The following ACOT9 variants were observed in gnomAD, a reference collection of about 807,000 sequenced individuals.
ACOT9 encodes acyl-coenzyme A thioesterase 9, mitochondrial.
A neutral mutation model predicts 39.7 loss-of-function variants in ACOT9; 34 were observed. That is an observed-to-expected ratio of 0.86 (90% confidence interval 0.65 to 1.14). The LOEUF (loss-of-function observed/expected upper bound fraction) is 1.14, where lower values mean the gene tolerates loss of function less well. Among genes scored for constraint, ACOT9 ranks in the 50% most tolerant of loss-of-function variants. ACOT9 has a pLI of 0.00. For synonymous variants in ACOT9, 110 were observed against 120.5 expected (o/e 0.91, Z 0.57); for missense variants, 313 against 344.1 (o/e 0.91, Z 0.71).
intron 1 of ACOT9, among the ~76,000 whole-genome samples, chrX:23,739,240 CAA>C (rs1232962335): frequency 9.5e-6 from 1 of 105,107 alleles, no homozygotes; most frequent in African/African-American, 3.5e-5. Context: ...GACTCTGTCT[CAA>C]AAAAAAAAGA....
At chrX:23,729,220 T>C (rs1468406588) in intron 6 of ACOT9, among the ~76,000 whole-genome samples, 1 of 111,585 alleles carries the variant, frequency 9.0e-6, no homozygotes, top group Admixed American at 9.6e-5. Flanking sequence ...CTTGATAGGA[T>C]ACAATAAGAA....
intron 9 of ACOT9, among the ~76,000 whole-genome samples, chrX:23,708,542 A>G (rs1205956775): frequency 9.2e-6 from 1 of 108,291 alleles, no homozygotes; most frequent in Non-Finnish European, 1.9e-5. Context: ...AAAAAAGAAA[A>G]AAAAAAAAAA....
intron 1 of ACOT9, among the ~76,000 whole-genome samples, chrX:23,741,131 A>T (rs959475261): frequency 9.1e-6 from 1 of 109,537 alleles, no homozygotes; most frequent in African/African-American, 3.3e-5. Context: ...AATAATAATA[A>T]TAAAAAGATG....
At chrX:23,739,413 C>T (rs973864618) in intron 1 of ACOT9, among the ~76,000 whole-genome samples, 5 of 111,290 alleles carry the variant, frequency 4.5e-5, no homozygotes, top group African/African-American at 9.8e-5. Flanking sequence ...CTGAAGGGCA[C>T]GTCTAGAAGA....
intron 4 of ACOT9, among the ~76,000 whole-genome samples, chrX:23,731,232 T>G (rs1418686703): frequency 1.8e-5 from 2 of 112,084 alleles, no homozygotes; most frequent in Non-Finnish European, 3.8e-5. Context: ...TCCCAGCATT[T>G]TGGGAGGCCA....
At chrX:23,715,511 TAC>T (rs1291320603) in intron 8 of ACOT9, among the ~76,000 whole-genome samples, 2 of 110,053 alleles carry the variant, frequency 1.8e-5, no homozygotes, top group Admixed American at 2.0e-4. Context: ...ATTTGAAAAA[TAC>T]AGAGTGGTTT....
intron 8 of ACOT9, among the ~76,000 whole-genome samples, chrX:23,720,044 A>G (rs1052341811): frequency 1.2e-4 from 14 of 112,246 alleles, no homozygotes; most frequent in South Asian, 3.6e-4. Flanking sequence ...CGTGTTAGCC[A>G]GGATGGTCTC....
chrX:23,731,700 G>A (rs769054977), intron 4 of ACOT9, among the ~76,000 whole-genome samples: 5 of 109,414 alleles, frequency 4.6e-5, no homozygotes, highest in Admixed American at 1.0e-4. Flanking sequence ...GACAGTTCTC[G>A]GATTCTTTGA....
chrX:23,704,617 T>C, intron 15 of ACOT9, 77 bp downstream of exon 15: 1 of 1,071,142 alleles, frequency 9.3e-7, no homozygotes, highest in Non-Finnish European at 1.3e-6. Context: ...ATCAATACAC[T>C]TCCTCCAATT....
chrX:23,704,166 G>GTTTTTTTT (rs1162671112), intron 15 of ACOT9, among the ~76,000 whole-genome samples, 184 bp from the exon 16 acceptor site: 1 of 66,321 alleles, frequency 1.5e-5, no homozygotes, highest in Non-Finnish European at 2.7e-5. Context: ...GGCTGGATCA[G>GTTTTTTTT]TTTTTTTTTT....
chrX:23,704,068 G>C lies in ACOT9; in HGVS notation c.1259-86C>G, dbSNP rs536685962. ...ATCATACAAACACAAGACTACTTGG[G>C]AACACTGGGACAGAACAAGATACAC... On this transcript the variant is annotated intron_variant, in intron 15 of 15. Transcript: ENST00000379303. 4.3e-5 allele frequency: 33 copies of C among 773,200 alleles called. No individual in the cohort carries two copies. In the African/African-American group the frequency reaches 5.8e-4, roughly 14 times the overall value. 63.7% of individuals were successfully genotyped at this position (773,200 alleles called of 1,213,427 possible). A position where few individuals can be genotyped will look rare whatever the true frequency, so the allele number is the denominator to read the frequency against.
At chrX:23,726,237 T>TA (rs1929518109) in intron 6 of ACOT9, among the ~76,000 whole-genome samples, 1 of 110,875 alleles carries the variant, frequency 9.0e-6, no homozygotes, top group Admixed American at 9.7e-5. Context: ...TAAAATAAAT[T>TA]CAAAAAATAA....
intron 1 of ACOT9, among the ~76,000 whole-genome samples, chrX:23,736,869 C>T (rs1157516652): frequency 1.8e-5 from 2 of 111,907 alleles, no homozygotes; most frequent in African/African-American, 6.5e-5. Flanking sequence ...AACCTACTCT[C>T]CCAAAATAAG....
At chrX:23,729,727 G>A (rs1030312448) in intron 6 of ACOT9, among the ~76,000 whole-genome samples, 2 of 111,896 alleles carry the variant, frequency 1.8e-5, no homozygotes, top group Non-Finnish European at 3.8e-5. Context: ...CACCTCCCAG[G>A]TTCAAGTGAT....
chrX:23,728,823 T>C (rs1285367114), intron 6 of ACOT9, among the ~76,000 whole-genome samples: 2 of 111,309 alleles, frequency 1.8e-5, no homozygotes, highest in Non-Finnish European at 3.8e-5. Flanking sequence ...GGGAAAAGCA[T>C]AAGATGAGCC....
At chrX:23,717,387 C>G (rs746136940) in intron 8 of ACOT9, among the ~76,000 whole-genome samples, 1 of 111,702 alleles carries the variant, frequency 9.0e-6, no homozygotes, top group Non-Finnish European at 1.9e-5. Flanking sequence ...CTTTGGAAGA[C>G]TTATGTGGTA....
intron 1 of ACOT9, among the ~76,000 whole-genome samples, chrX:23,740,976 C>CG (rs1930124174): frequency 9.2e-6 from 1 of 108,915 alleles, no homozygotes; most frequent in Admixed American, 1.0e-4. Context: ...AAACTCAAGG[C>CG]GGGGGGAGTG....
At chrX:23,740,717 T>TACACATACACAC (rs1555941651) in intron 1 of ACOT9, among the ~76,000 whole-genome samples, 1 of 92,063 alleles carries the variant, frequency 1.1e-5, no homozygotes, top group Admixed American at 1.3e-4. Context: ...CCCCAATACA[T>TACACATACACAC]ACACACACAC....
intron 9 of ACOT9, among the ~76,000 whole-genome samples, chrX:23,711,313 C>T (rs1191101497): frequency 1.8e-5 from 2 of 110,593 alleles, no homozygotes; most frequent in Non-Finnish European, 3.8e-5. Flanking sequence ...CTGAGCGAGA[C>T]TCCATCTCAA....
Sources: gnomAD v4.1 joint callset for allele counts (sites outside exome capture counted in the v4.1 genomes callset) on GRCh38, gnomAD v4.1.1 for gene constraint, MANE v1.5 for transcripts, NCBI Gene and HGNC (gene_info 2026-07-23, HGNC 2026-07-21) for gene names.